Variants in EPB41L4A observed in about 807,000 individuals in gnomAD.
EPB41L4A encodes band 4.1-like protein 4A.
A neutral mutation model predicts 108.6 loss-of-function variants in EPB41L4A; 100 were observed. That is an observed-to-expected ratio of 0.92 (90% CI 0.78 to 1.09). The LOEUF (loss-of-function observed/expected upper bound fraction) is 1.09, where lower values mean the gene tolerates loss of function less well. Among genes scored for constraint, EPB41L4A ranks in the 50% least tolerant of loss-of-function variants. EPB41L4A has a pLI of 0.00. For missense variants in EPB41L4A, 1,030 were observed against 842.7 expected (o/e 1.22, Z -2.75); for synonymous variants, 319 against 289.0 (o/e 1.10, Z -1.05).
intron 12 of EPB41L4A, among the ~76,000 whole-genome samples, chr5:112,233,813 T>C (rs933378889): frequency 3.3e-5 from 5 of 152,110 alleles, no homozygotes; most frequent in Non-Finnish European, 7.4e-5. Flanking sequence ...CAGTTTAGCA[T>C]TTTGTCTTGT....
At chr5:112,392,144 T>C (rs925647359) in intron 1 of EPB41L4A, among the ~76,000 whole-genome samples, 2 of 152,112 alleles carry the variant, frequency 1.3e-5, no homozygotes, top group African/African-American at 2.4e-5. Flanking sequence ...AGACCACTGA[T>C]GCTAGGAAGA....
chr5:112,149,499 A>G (rs1019342180), intron 12 of EPB41L4A, among the ~76,000 whole-genome samples: 1 of 152,126 alleles, frequency 6.6e-6, no homozygotes, highest in Admixed American at 6.5e-5. Context: ...CTTTGTGAGC[A>G]CTCTAAATTA....
intron 1 of EPB41L4A, among the ~76,000 whole-genome samples, chr5:112,352,842 T>C (rs1758131381): frequency 6.6e-6 from 1 of 152,232 alleles, no homozygotes. Flanking sequence ...GAATCTGTTG[T>C]GGAGAATTCT....
At chr5:112,399,821 C>T (rs1046319404) in intron 1 of EPB41L4A, among the ~76,000 whole-genome samples, 2 of 152,336 alleles carry the variant, frequency 1.3e-5, no homozygotes, top group East Asian at 1.9e-4. Context: ...GCCAGCAGCC[C>T]ACTGACCTAG....
chr5:112,362,469 C>T (rs1758834806), intron 1 of EPB41L4A, among the ~76,000 whole-genome samples: 2 of 151,904 alleles, frequency 1.3e-5, no homozygotes, highest in African/African-American at 2.4e-5. Flanking sequence ...TTAGTAGACA[C>T]GGGATTTCAC....
At chr5:112,340,894 C>G (rs1757273493) in intron 1 of EPB41L4A, among the ~76,000 whole-genome samples, 1 of 152,044 alleles carries the variant, frequency 6.6e-6, no homozygotes, top group Non-Finnish European at 1.5e-5. Context: ...TTACATATAC[C>G]CTTCGACCTT....
intron 9 of EPB41L4A, among the ~76,000 whole-genome samples, chr5:112,243,807 G>C (rs1368916760): frequency 6.6e-6 from 1 of 152,212 alleles, no homozygotes; most frequent in East Asian, 1.9e-4. Flanking sequence ...GAATTGAAGA[G>C]AGTTAGAGCC....
At chr5:112,405,968 T>C (rs745759778) in intron 1 of EPB41L4A, among the ~76,000 whole-genome samples, 1 of 152,264 alleles carries the variant, frequency 6.6e-6, no homozygotes, top group Non-Finnish European at 1.5e-5. Context: ...TCTTGTAGAA[T>C]TGAGTTCACA....
intron 14 of EPB41L4A, 48 bp from the exon 15 acceptor site, chr5:112,204,536 G>T: frequency 7.9e-7 from 1 of 1,267,606 alleles, no homozygotes; most frequent in Non-Finnish European, 1.2e-6. Flanking sequence ...AGTTCCTGGG[G>T]GAAAACACAC....
intron 13 of EPB41L4A, 119 bp from the exon 14 acceptor site, chr5:112,205,623 T>G (rs1418539907): frequency 1.3e-6 from 1 of 742,860 alleles, no homozygotes; most frequent in African/African-American, 1.8e-5. Flanking sequence ...CTTATTTGCT[T>G]GTTTATACCT....
rs1484241441 is a variant in EPB41L4A, at chr5:112,339,477, T to C, written c.100-31987A>G. On this transcript the variant is annotated intron_variant, in intron 1 of 22. Coordinates refer to ENST00000261486, the MANE Select transcript of EPB41L4A (RefSeq NM_022140.5). ...ATAGCTATAGATATATATATATCTA[T>C]ATATATATATATATATATCTATATA... Among the ~76,000 whole-genome samples, 5 of 11,114 alleles carry C rather than the reference T, an allele frequency of 4.5e-4. No individual in the cohort carries two copies. In the Admixed American group the frequency reaches 5.4e-3, roughly 12 times the overall value. 7.3% of individuals were successfully genotyped at this position (11,114 alleles called of 152,430 possible).
intron 1 of EPB41L4A, among the ~76,000 whole-genome samples, chr5:112,367,257 C>T (rs1022693159): frequency 1.3e-5 from 2 of 152,190 alleles, no homozygotes; most frequent in African/African-American, 4.8e-5. Flanking sequence ...ACTTTGTAAG[C>T]TCCAGTACTG....
chr5:112,181,234 G>A (rs1182224713), intron 18 of EPB41L4A, among the ~76,000 whole-genome samples: 4 of 152,024 alleles, frequency 2.6e-5, no homozygotes, highest in Admixed American at 6.5e-5. Flanking sequence ...GGCGGATCAC[G>A]AGGTCAGGAG....
At chr5:112,183,285 C>T (rs1761251360) in intron 18 of EPB41L4A, 1 of 152,208 alleles carries the variant, frequency 6.6e-6, no homozygotes, top group South Asian at 2.1e-4. Context: ...GGACTTAATC[C>T]CTCCTCCTGT....
At chr5:112,242,717 T>C (rs1749884844) in intron 9 of EPB41L4A, among the ~76,000 whole-genome samples, 1 of 152,218 alleles carries the variant, frequency 6.6e-6, no homozygotes, top group Non-Finnish European at 1.5e-5. Flanking sequence ...AAAGTATTTC[T>C]TAATACTTGA....
At chr5:112,385,316 A>G (rs1342905919) in intron 1 of EPB41L4A, among the ~76,000 whole-genome samples, 1 of 152,180 alleles carries the variant, frequency 6.6e-6, no homozygotes, top group African/African-American at 2.4e-5. Flanking sequence ...AAAGTCCAAT[A>G]AAAGGCATAA....
chr5:112,175,807 T>C (rs1760832074), intron 18 of EPB41L4A, among the ~76,000 whole-genome samples: 2 of 152,130 alleles, frequency 1.3e-5, no homozygotes, highest in South Asian at 4.1e-4. Context: ...TGTTTCCACT[T>C]TTTCTAAGGG....
intron 18 of EPB41L4A, among the ~76,000 whole-genome samples, chr5:112,171,395 C>T (rs963987573): frequency 1.3e-5 from 2 of 152,160 alleles, no homozygotes; most frequent in Non-Finnish European, 2.9e-5. Context: ...TCTGTGATTA[C>T]CTAGGAGAAG....
intron 9 of EPB41L4A, among the ~76,000 whole-genome samples, chr5:112,250,457 C>T (rs1750579945): frequency 6.6e-6 from 1 of 152,114 alleles, no homozygotes; most frequent in Non-Finnish European, 1.5e-5. Flanking sequence ...GTCAGTATTT[C>T]TCTCATATAC....
Sources: gnomAD v4.1 joint callset for allele counts (sites outside exome capture counted in the v4.1 genomes callset) on GRCh38, gnomAD v4.1.1 for gene constraint, MANE v1.5 for transcripts, NCBI Gene and HGNC (gene_info 2026-07-23, HGNC 2026-07-21) for gene names.